DIS3L2: variants seen among roughly 807,000 people sequenced by gnomAD.
The protein encoded by DIS3L2 is DIS3-like exonuclease 2.
A neutral mutation model predicts 97.5 loss-of-function variants in DIS3L2; 34 were observed. The observed-to-expected ratio is 0.35, with a 90% CI of 0.27 to 0.46. The LOEUF is 0.46. Among genes scored for constraint, DIS3L2 ranks in the 20% least tolerant of loss-of-function variants. The pLI, the probability that DIS3L2 is intolerant of heterozygous loss-of-function variation, is 1.00. For synonymous variants in DIS3L2, 435 were observed against 445.2 expected, an observed-to-expected ratio of 0.98 and a Z score of 0.29; for missense variants, 1,038 against 1,146.0, an observed-to-expected ratio of 0.91 and a Z score of 1.36.
intron 6 of DIS3L2, among the ~76,000 whole-genome samples, chr2:232,113,400 A>G (rs990678498): frequency 1.3e-5 from 2 of 152,218 alleles, no homozygotes; most frequent in Non-Finnish European, 2.9e-5. Flanking sequence ...ACTATAGGTG[A>G]CAGTACTAAC....
chr2:232,080,653 C>A (rs1441791983), intron 5 of DIS3L2, among the ~76,000 whole-genome samples: 2 of 151,834 alleles, frequency 1.3e-5, no homozygotes, highest in Admixed American at 1.3e-4. Context: ...GTAATTTCAG[C>A]ACTTTGGGAG....
Position 232,284,539 on chromosome 2 carries a change from C to T in DIS3L2, c.1660-15501C>T, listed in dbSNP as rs1483489364. Among the ~76,000 whole-genome samples the T allele has an allele frequency of 3.3e-5, 5 of 152,202 alleles. 1 individual carries two copies. The highest frequency in any genetic ancestry group is 2.0e-4 in the Admixed American group (3 of 15,284). On this transcript the variant is annotated intron_variant, in intron 13 of 20. Coordinates refer to ENST00000325385, the MANE Select transcript of DIS3L2 (RefSeq NM_152383.5). ...GTGTATTCATGGAACATTGAATATT[C>T]ATTCTTATTTTCTCTGCTTTTGATC...
chr2:231,989,002 G>A lies in DIS3L2; in HGVS notation c.-93-25833G>A, dbSNP rs146834180. On this transcript the variant is annotated intron_variant, in intron 1 of 20. Transcript: ENST00000325385. ...TCACATATTTTTCCAAATTGCCATG[G>A]TAAAATTGGCCACGTGGATGAGCTT... 4.6e-5 allele frequency among the ~76,000 whole-genome samples: 7 copies of A among 152,254 alleles called. 1 individual carries two copies. In the East Asian group the frequency reaches 1.2e-3, roughly 25 times the overall value.
chr2:232,321,151 G>A (rs994797675), intron 14 of DIS3L2, among the ~76,000 whole-genome samples: 2 of 152,168 alleles, frequency 1.3e-5, no homozygotes, highest in Non-Finnish European at 2.9e-5. Flanking sequence ...GCCAGTAAGT[G>A]AGCAGGGCTG....
intron 6 of DIS3L2, among the ~76,000 whole-genome samples, chr2:232,118,054 G>A (rs181359331): frequency 6.6e-6 from 1 of 152,250 alleles, no homozygotes; most frequent in African/African-American, 2.4e-5. Context: ...GTGATTATTG[G>A]CCAGATCCAG....
chr2:232,264,291 C>T (rs147893427), intron 13 of DIS3L2, among the ~76,000 whole-genome samples: 7 of 152,272 alleles, frequency 4.6e-5, no homozygotes, highest in Middle Eastern at 3.4e-3. Context: ...GCCCATGGCC[C>T]GGCAGTTAGG....
Position 232,130,723 on chromosome 2 carries a change from A to G in DIS3L2, c.702+4A>G, listed in dbSNP as rs1057445. The G allele has an allele frequency of 6.8e-5, 110 of 1,613,668 alleles. No homozygotes were observed. The African/African-American group carries it at 1.4e-3, about 21-fold the overall frequency. ...ATCCCTGCAAAGATCAGCAAAGGTC[A>G]TTGCCTACAGATTTTCTCCACGTGT... is the stretch of plus-strand genomic sequence containing the variant. On this transcript the variant is annotated splice_donor_region_variant and intron_variant, in intron 7 of 20. Coordinates refer to ENST00000325385, the MANE Select transcript of DIS3L2 (RefSeq NM_152383.5).
chr2:232,324,458 C>A (rs1309046214), intron 14 of DIS3L2, among the ~76,000 whole-genome samples: 1 of 152,096 alleles, frequency 6.6e-6, no homozygotes, highest in Non-Finnish European at 1.5e-5. Flanking sequence ...TTGCCTTTGG[C>A]CTTTGAAAAT....
At chr2:232,077,176 C>G (rs991030870) in intron 5 of DIS3L2, among the ~76,000 whole-genome samples, 3 of 152,034 alleles carry the variant, frequency 2.0e-5, no homozygotes, top group African/African-American at 7.2e-5. Context: ...ACCATGGGTC[C>G]TGCTGTAGAG....
At chr2:231,985,136 G>A (rs1303510256) in intron 1 of DIS3L2, among the ~76,000 whole-genome samples, 2 of 152,130 alleles carry the variant, frequency 1.3e-5, no homozygotes, top group South Asian at 2.1e-4. Context: ...ATTTGTGTGT[G>A]TGTTCTGTCA....
chr2:232,199,908 T>C (rs1691845671), intron 9 of DIS3L2, among the ~76,000 whole-genome samples: 1 of 152,106 alleles, frequency 6.6e-6, no homozygotes, highest in African/African-American at 2.4e-5. Context: ...AAAATTGAAA[T>C]CAAGCAAAAA....
At chr2:232,172,263 C>A (rs1691013823) in intron 9 of DIS3L2, among the ~76,000 whole-genome samples, 1 of 152,068 alleles carries the variant, frequency 6.6e-6, no homozygotes, top group African/African-American at 2.4e-5. Context: ...ATTTTTGTCA[C>A]CCCAAAAATC....
In DIS3L2 at chr2:232,087,490, G is replaced by A. The variant is rs1203448037; in HGVS notation, c.370G>A (p.Val124Ile). 6.2e-7 allele frequency: 1 copy of A among 1,606,266 alleles called. No homozygotes were observed. ...AGAATTTTTCTGTTTTCTTTAGGTA[G>A]TTAAACCAGAGAGCAATGACAAAGA... ...KLLPEEHWKV[V>I]KPESNDKETE... Residue 124 changes from valine (V) to isoleucine (I), a missense_variant, in exon 6 of 21, where the codon GTT becomes ATT. Transcript: ENST00000325385.
At chr2:232,209,298 C>G (rs1338289354) in intron 9 of DIS3L2, among the ~76,000 whole-genome samples, 1 of 152,082 alleles carries the variant, frequency 6.6e-6, no homozygotes, top group Non-Finnish European at 1.5e-5. Context: ...GCTCTATTGT[C>G]CAGGCTGGAG....
chr2:232,230,970 C>T (rs1015158535), intron 10 of DIS3L2, among the ~76,000 whole-genome samples: 21 of 152,254 alleles, frequency 1.4e-4, no homozygotes, highest in Non-Finnish European at 1.9e-4. Context: ...CATGTCATCA[C>T]GTGACATGGT....
intron 11 of DIS3L2, among the ~76,000 whole-genome samples, chr2:232,242,850 C>G (rs969271): frequency 0.14 from 21,076 of 152,236 alleles, 1,963 homozygotes; most frequent in East Asian, 0.37. Flanking sequence ...CTTAAGAGGA[C>G]TTAGCATCCT....
intron 5 of DIS3L2, among the ~76,000 whole-genome samples, chr2:232,080,118 G>T (rs1380581191): frequency 6.6e-6 from 1 of 152,194 alleles, no homozygotes; most frequent in Admixed American, 6.5e-5. Flanking sequence ...AGTGGAAATG[G>T]CAAGAAGATC....
At chr2:232,077,962 TTTCTTTC>T (rs1696251724) in intron 5 of DIS3L2, among the ~76,000 whole-genome samples, 1 of 75,474 alleles carries the variant, frequency 1.3e-5, no homozygotes, top group Non-Finnish European at 2.7e-5. Context: ...TTTCTCTTTC[TTTCTTTC>T]TTTCTTTCTT....
intron 10 of DIS3L2, among the ~76,000 whole-genome samples, chr2:232,237,572 C>T (rs1333029609): frequency 2.0e-5 from 3 of 151,874 alleles, no homozygotes; most frequent in Non-Finnish European, 2.9e-5. Context: ...ACACACAAGC[C>T]GATAGAGATA....
Sources: gnomAD v4.1 joint callset for allele counts (sites outside exome capture counted in the v4.1 genomes callset) on GRCh38, gnomAD v4.1.1 for gene constraint, MANE v1.5 for transcripts, NCBI Gene and HGNC (gene_info 2026-07-23, HGNC 2026-07-21) for gene names.